C10orf90: variants seen among roughly 807,000 people sequenced by gnomAD.
The protein encoded by C10orf90 is chromosome 10 open reading frame 90, also known as (E2-independent) E3 ubiquitin-conjugating enzyme FATS.
In C10orf90, 56 loss-of-function variants were observed where a neutral mutation model predicts 62.5. The ratio of observed to expected loss-of-function variants is 0.90; its 90% CI spans 0.72 to 1.12. C10orf90 has a LOEUF of 1.12. Ranked by LOEUF, C10orf90 falls within the 50% of genes most tolerant of loss-of-function variation. The pLI, the probability that C10orf90 is intolerant of heterozygous loss-of-function variation, is 0.00. For missense variants in C10orf90, 970 were observed against 880.4 expected (o/e 1.10, Z -1.29); for synonymous variants, 386 against 340.4 (o/e 1.13, Z -1.47).
At chr10:126,589,495 A>G (rs1022007353) in intron 2 of C10orf90, among the ~76,000 whole-genome samples, 1 of 152,258 alleles carries the variant, frequency 6.6e-6, no homozygotes, top group Non-Finnish European at 1.5e-5. Context: ...CCATCAGACT[A>G]ACAGCAGATC....
chr10:126,640,278 G>A (rs978814258), intron 2 of C10orf90, among the ~76,000 whole-genome samples: 17 of 152,242 alleles, frequency 1.1e-4, no homozygotes, highest in Non-Finnish European at 2.4e-4. Context: ...CAGGTCAGAA[G>A]CCTGTTGCTC....
At chr10:126,612,621 C>A (rs1845461623) in intron 2 of C10orf90, among the ~76,000 whole-genome samples, 1 of 152,148 alleles carries the variant, frequency 6.6e-6, no homozygotes. Flanking sequence ...TGTAGAAAAG[C>A]ACAAAGTTAG....
At chr10:126,630,738 A>C (rs1433166796) in intron 2 of C10orf90, among the ~76,000 whole-genome samples, 1 of 152,104 alleles carries the variant, frequency 6.6e-6, no homozygotes, top group African/African-American at 2.4e-5. Context: ...TTTACTTCTG[A>C]ACTAAAAATA....
chr10:126,524,116 T>C (rs1436765542), intron 2 of C10orf90, among the ~76,000 whole-genome samples: 1 of 152,222 alleles, frequency 6.6e-6, no homozygotes, highest in African/African-American at 2.4e-5. Flanking sequence ...GATCTTATTA[T>C]ATAATATTTT....
chr10:126,557,680 G>A (rs144831964), intron 2 of C10orf90, among the ~76,000 whole-genome samples: 1 of 152,174 alleles, frequency 6.6e-6, no homozygotes, highest in East Asian at 1.9e-4. Context: ...TTCATACCCT[G>A]CTGGAATTCT....
At chr10:126,596,874 A>G (rs1249848975) in intron 2 of C10orf90, among the ~76,000 whole-genome samples, 2 of 152,214 alleles carry the variant, frequency 1.3e-5, no homozygotes, top group African/African-American at 4.8e-5. Context: ...TGACAACTCA[A>G]TTTTGAGAAA....
At chr10:126,618,679 C>T (rs925644900) in intron 2 of C10orf90, among the ~76,000 whole-genome samples, 6 of 152,068 alleles carry the variant, frequency 3.9e-5, no homozygotes, top group Non-Finnish European at 7.4e-5. Flanking sequence ...AAACAAATCA[C>T]AAAGGGATAG....
intron 2 of C10orf90, among the ~76,000 whole-genome samples, chr10:126,620,883 A>G (rs1007878280): frequency 5.3e-5 from 8 of 152,240 alleles, no homozygotes; most frequent in Admixed American, 2.6e-4. Flanking sequence ...CAACTAGCTC[A>G]ACAACTATGG....
chr10:126,586,502 A>G (rs1844873501), intron 2 of C10orf90, among the ~76,000 whole-genome samples: 1 of 152,178 alleles, frequency 6.6e-6, no homozygotes, highest in African/African-American at 2.4e-5. Context: ...TGTTCTCAAA[A>G]TAACAGATTG....
chr10:126,482,560 G>A (rs1313557430), intron 4 of C10orf90, among the ~76,000 whole-genome samples: 3 of 152,190 alleles, frequency 2.0e-5, no homozygotes, highest in Non-Finnish European at 2.9e-5. Flanking sequence ...GTGTGCAGAA[G>A]AGTGGGAATG....
intron 2 of C10orf90, among the ~76,000 whole-genome samples, chr10:126,550,970 C>A (rs537077600): frequency 4.3e-4 from 66 of 152,144 alleles, no homozygotes; most frequent in Non-Finnish European, 8.8e-4. Flanking sequence ...AGGGTGAGGA[C>A]AGAAGGGAGA....
At chr10:126,558,748 G>A (rs1864833094) in intron 2 of C10orf90, among the ~76,000 whole-genome samples, 1 of 152,186 alleles carries the variant, frequency 6.6e-6, no homozygotes, top group African/African-American at 2.4e-5. Flanking sequence ...AGAATCCAAG[G>A]TCATGATTTA....
intron 2 of C10orf90, among the ~76,000 whole-genome samples, chr10:126,526,970 T>C (rs2133950186): frequency 6.6e-6 from 1 of 152,350 alleles, no homozygotes; most frequent in Non-Finnish European, 1.5e-5. Flanking sequence ...CTTCAACAGC[T>C]GATGGACACT....
At chr10:126,564,001 C>A (rs534205913) in intron 2 of C10orf90, among the ~76,000 whole-genome samples, 1 of 152,248 alleles carries the variant, frequency 6.6e-6, no homozygotes, top group Admixed American at 6.5e-5. Context: ...AAGTTAGCAG[C>A]ATCCGTGGCC....
intron 2 of C10orf90, among the ~76,000 whole-genome samples, chr10:126,618,330 C>G (rs995113568): frequency 6.6e-6 from 1 of 152,140 alleles, no homozygotes; most frequent in African/African-American, 2.4e-5. Flanking sequence ...TCTGGCTTTG[C>G]CCCTGACATT....
intron 7 of C10orf90, among the ~76,000 whole-genome samples, chr10:126,444,453 T>C (rs182831360): frequency 6.6e-6 from 1 of 152,122 alleles, no homozygotes; most frequent in Admixed American, 6.6e-5. Flanking sequence ...TACTTAGTAA[T>C]ATACCTAACA....
intron 2 of C10orf90, among the ~76,000 whole-genome samples, chr10:126,599,710 A>C (rs541951311): frequency 1.3e-5 from 2 of 152,228 alleles, no homozygotes; most frequent in South Asian, 4.2e-4. Context: ...GGATTAGGGC[A>C]CTAATCCCCT....
chr10:126,652,825 G>C (rs2002951), intron 1 of C10orf90, among the ~76,000 whole-genome samples: 20,348 of 152,076 alleles, frequency 0.13, 1,592 homozygotes, highest in Non-Finnish European at 0.18. Flanking sequence ...ATTCCTTTCA[G>C]CATGTTCTAT....
intron 2 of C10orf90, among the ~76,000 whole-genome samples, chr10:126,561,391 G>A (rs1864896906): frequency 6.6e-6 from 1 of 152,168 alleles, no homozygotes; most frequent in Non-Finnish European, 1.5e-5. Context: ...GTGATTCCAT[G>A]GAGATGAAAT....
Sources: gnomAD v4.1 joint callset for allele counts (sites outside exome capture counted in the v4.1 genomes callset) on GRCh38, gnomAD v4.1.1 for gene constraint, MANE v1.5 for transcripts, NCBI Gene and HGNC (gene_info 2026-07-23, HGNC 2026-07-21) for gene names.